The following RNFT1 variants were observed in gnomAD, a reference collection of about 807,000 sequenced individuals.
RNFT1 encodes the protein ring finger protein, transmembrane 1.
In RNFT1, 35 loss-of-function variants were observed where a neutral mutation model predicts 53.2. That is an observed-to-expected ratio of 0.66 (90% confidence interval 0.50 to 0.87). The LOEUF is 0.87. Ranked by LOEUF, RNFT1 falls within the 40% of genes least tolerant of loss-of-function variation. RNFT1 has a pLI of 0.00. For missense variants in RNFT1, 421 were observed against 515.0 expected (o/e 0.82, Z 1.77); for synonymous variants, 141 against 172.8 (o/e 0.82, Z 1.44).
At position 59,954,699 on chromosome 17, in the gene RNFT1, A is replaced by C. The variant is rs140111904; in HGVS notation, c.1072-553T>G. 2.3e-3 allele frequency among the ~76,000 whole-genome samples: 355 copies of C among 152,334 alleles called. 1 individual carries two copies. The highest frequency in any genetic ancestry group is 7.6e-3 in the African/African-American group (316 of 41,590). On this transcript the variant is annotated intron_variant, in intron 7 of 8. Transcript: ENST00000305783. ...TCTCCAAGTGAGTGCAATATGAAGA[A>C]GACTTAGGGACCACTGAAGAATTTT... is the stretch of plus-strand genomic sequence containing the variant.
At chr17:59,960,334 T>C (rs1260451107) in intron 3 of RNFT1, among the ~76,000 whole-genome samples, 166 bp from the exon 4 acceptor site, 4 of 149,980 alleles carry the variant, frequency 2.7e-5, no homozygotes, top group East Asian at 3.9e-4. Flanking sequence ...TATACTACTT[T>C]AGTGACCAAA....
At chr17:59,964,313 G>A (rs529420533) in intron 1 of RNFT1, among the ~76,000 whole-genome samples, 2 of 152,194 alleles carry the variant, frequency 1.3e-5, no homozygotes, top group South Asian at 4.1e-4. Context: ...TTTCACTAAA[G>A]GCTTTCACCG....
chr17:59,960,325 ATAC>A (rs1210479289), intron 3 of RNFT1, among the ~76,000 whole-genome samples, 157 bp from the exon 4 acceptor site: 4 of 151,920 alleles, frequency 2.6e-5, no homozygotes, highest in African/African-American at 7.2e-5. Context: ...TTACTGTTTT[ATAC>A]TACTTTAGTG....
chr17:59,957,874 C>G (rs1028359268), intron 5 of RNFT1, among the ~76,000 whole-genome samples: 15 of 151,952 alleles, frequency 9.9e-5, no homozygotes, highest in African/African-American at 3.6e-4. Context: ...AAAAAAGATA[C>G]AATGAGAATG....
At chr17:59,956,434 T>G (rs2045254638) in intron 7 of RNFT1, 54 bp downstream of exon 7, 3 of 1,250,700 alleles carry the variant, frequency 2.4e-6, no homozygotes, top group South Asian at 2.6e-5. Context: ...CTAAAAAAAT[T>G]TTTGCAGTGA....
In RNFT1 at chr17:59,964,668, C is replaced by G; in HGVS notation, c.-5G>C. 1 of 1,604,294 alleles carries G rather than the reference C, an allele frequency of 6.2e-7. No individual in the cohort carries two copies. Among genetic ancestry groups the G allele is most frequent in the Admixed American group, 1.7e-5 (1 of 58,978 alleles). ...CGACAGCAAGAACAGCGGCATACACCGCCTCCAGCCCTTCAGTCGGGGCCA... is the reference window on the plus strand; with the variant it reads ...CGACAGCAAGAACAGCGGCATACACGGCCTCCAGCCCTTCAGTCGGGGCCA... On this transcript the variant is annotated 5_prime_UTR_variant, in exon 1 of 9. Transcript: ENST00000305783.
intron 7 of RNFT1, 38 bp downstream of exon 7, chr17:59,956,450 G>A (rs1343006556): frequency 6.9e-7 from 1 of 1,446,660 alleles, no homozygotes; most frequent in Non-Finnish European, 9.6e-7. Flanking sequence ...AGTGAAGAAA[G>A]GTGAAGGTGT....
At position 59,962,864 on chromosome 17, in the gene RNFT1, C is replaced by T; in HGVS notation, c.477G>A (p.Leu159=). The T allele has an allele frequency of 6.2e-7, 1 of 1,613,070 alleles. No individual in the cohort carries two copies. Among genetic ancestry groups the T allele is most frequent in the Non-Finnish European group, 8.5e-7 (1 of 1,179,104 alleles). The change falls in exon 2 of 9, where the codon TTG becomes TTA. Residue 159 remains leucine, a synonymous_variant. Transcript: ENST00000305783. ...KWLQKSLPYI[L]ILSVKLVMQH... Reference sequence around the variant, plus strand: ...GCATAACAAGTTTGACGCTCAGAATCAAAATATATGGAAGACTTTTTTGCA... The same window carrying T: ...GCATAACAAGTTTGACGCTCAGAATTAAAATATATGGAAGACTTTTTTGCA...
Position 59,964,709 on chromosome 17 carries a change from G to C in RNFT1, c.-46C>G, listed in dbSNP as rs567865858. The C allele has an allele frequency of 3.9e-6, 6 of 1,554,430 alleles. No individual in the cohort carries two copies. The Admixed American group carries it at 5.6e-5, about 15-fold the overall frequency. Reference sequence around the variant, plus strand: ...GTCGGGGCCATCAACCGCAAACCCCGCAAGCTCTTCTCTCAGCCCGGCGGC... The same window carrying C: ...GTCGGGGCCATCAACCGCAAACCCCCCAAGCTCTTCTCTCAGCCCGGCGGC... On this transcript the variant is annotated 5_prime_UTR_variant, in exon 1 of 9. Coordinates refer to ENST00000305783, the MANE Select transcript of RNFT1 (RefSeq NM_016125.4).
chr17:59,963,109 C>T lies in RNFT1; in HGVS notation c.232G>A (p.Asp78Asn). Residue 78 changes from aspartate to asparagine, a missense_variant, in exon 2 of 9, where the codon GAT (aspartate) becomes AAT (asparagine). Physicochemically the swap from Asp to Asn is conservative, Grantham distance 23. Coordinates refer to ENST00000305783, the MANE Select transcript of RNFT1 (RefSeq NM_016125.4). ...ATGGAGTTTATCTGGATATGAACATCTCCAGAATGAGGGCAAGAACCCTCT... is the reference window on the plus strand; with the variant it reads ...ATGGAGTTTATCTGGATATGAACATTTCCAGAATGAGGGCAAGAACCCTCT... Reference protein sequence around the residue: ...TGEGSCPHSGDVHIQINSIPK... With the variant: ...TGEGSCPHSGNVHIQINSIPK... 6.2e-7 allele frequency: 1 copy of T among 1,614,194 alleles called. No individual in the cohort carries two copies. Among genetic ancestry groups the T allele is most frequent in the Non-Finnish European group, 8.5e-7 (1 of 1,180,034 alleles).
chr17:59,957,176 A>C, intron 6 of RNFT1, 48 bp downstream of exon 6: 1 of 1,553,282 alleles, frequency 6.4e-7, no homozygotes, highest in Non-Finnish European at 8.8e-7. Context: ...ATGTATCAGT[A>C]ATCATTAATG....
Position 59,954,062 on chromosome 17 carries a change from T to C in RNFT1, c.1156A>G (p.Ile386Val), listed in dbSNP as rs753236208. 1.8e-5 allele frequency: 29 copies of C among 1,586,600 alleles called. No individual in the cohort carries two copies. Among genetic ancestry groups the C allele is most frequent in the African/African-American group, 1.2e-4 (9 of 73,296 alleles). ...SICQAEFQKP[I>V]LLICQHIFCE... is the part of the protein sequence containing the mutation. ...GTAATTACCTGACAAATGAGAAGAA[T>C]TGGCTTCTGAAATTCAGCTTGACAT... The change falls in exon 8 of 9, where the codon ATT becomes GTT. Residue 386 changes from isoleucine (I) to valine (V), a missense_variant. Ile to Val is a conservative substitution (Grantham distance 29, BLOSUM62 3). Transcript: ENST00000305783.
intron 3 of RNFT1, among the ~76,000 whole-genome samples, chr17:59,960,823 T>A (rs971263600): frequency 1.3e-5 from 2 of 151,458 alleles, no homozygotes; most frequent in Non-Finnish European, 2.9e-5. Context: ...AGAAAAAAAA[T>A]GGACCCACCC....
At chr17:59,954,915 C>CT (rs1223904741) in intron 7 of RNFT1, among the ~76,000 whole-genome samples, 5 of 152,150 alleles carry the variant, frequency 3.3e-5, no homozygotes, top group Admixed American at 6.5e-5. Flanking sequence ...TTACTCGTCT[C>CT]TAAGATTTTA....
chr17:59,960,144 C>A lies in RNFT1; in HGVS notation c.616G>T (p.Ala206Ser). The A allele has an allele frequency of 6.2e-7, 1 of 1,605,342 alleles. No homozygotes were observed. The highest frequency in any genetic ancestry group is 8.5e-7 in the Non-Finnish European group (1 of 1,176,886). The change falls in exon 4 of 9, where the codon GCT becomes TCT. Residue 206 changes from alanine to serine, a missense_variant. Physicochemically the swap from Ala to Ser is moderately conservative, Grantham distance 99. Coordinates refer to ENST00000305783, the MANE Select transcript of RNFT1 (RefSeq NM_016125.4). ...CCTGCTAAGAATACCAGTAACCAAG[C>A]ACACTGAATCTTTGAGGACCTTTCC... ...LRERSSKIQC[A>S]WLLVFLAGSS...
chr17:59,960,312 C>A, intron 3 of RNFT1, 144 bp from the exon 4 acceptor site: 2 of 848,052 alleles, frequency 2.4e-6, no homozygotes, highest in Non-Finnish European at 3.3e-6. Flanking sequence ...ATAATCATCA[C>A]AGTTACTGTT....
At position 59,962,552 on chromosome 17, in the gene RNFT1, C is replaced by G; in HGVS notation, c.579G>C (p.Gln193His). Residue 193 changes from glutamine (Q) to histidine (H), a missense_variant, in exon 3 of 9, where the codon CAG becomes CAC. Gln to His is a conservative substitution (Grantham distance 24). Coordinates refer to ENST00000305783, the MANE Select transcript of RNFT1 (RefSeq NM_016125.4). ...FMYANKSIVN[Q>H]VFLRERSSKI... ...TTGTTATACTTACTCTTAGAAAAACCTGATTTACAATGCTTTTGTTTGCAT... is the reference window on the plus strand; with the variant it reads ...TTGTTATACTTACTCTTAGAAAAACGTGATTTACAATGCTTTTGTTTGCAT... The G allele has an allele frequency of 6.2e-7, 1 of 1,601,186 alleles. No individual in the cohort carries two copies.
At chr17:59,956,904 ATACTC>A (rs532054461) in intron 6 of RNFT1, among the ~76,000 whole-genome samples, 5 of 152,322 alleles carry the variant, frequency 3.3e-5, no homozygotes, top group South Asian at 2.1e-4. Flanking sequence ...ACAGGACAAG[ATACTC>A]TACTAGTTTA....
chr17:59,953,760 T>C (rs2045236471), intron 8 of RNFT1, among the ~76,000 whole-genome samples: 1 of 152,230 alleles, frequency 6.6e-6, no homozygotes, highest in African/African-American at 2.4e-5. Flanking sequence ...ATGTCAGTAT[T>C]GTTCTACATG....
Sources: gnomAD v4.1 joint callset for allele counts (sites outside exome capture counted in the v4.1 genomes callset) on GRCh38, gnomAD v4.1.1 for gene constraint, MANE v1.5 for transcripts, NCBI Gene and HGNC (gene_info 2026-07-23, HGNC 2026-07-21) for gene names.